Variants in POU6F2 observed in about 807,000 individuals in gnomAD.
POU6F2 encodes POU domain, class 6, transcription factor 2.
POU6F2 carries 31 observed loss-of-function variants against 71.3 expected under a neutral mutation model. The observed-to-expected ratio is 0.43, with a 90% CI of 0.33 to 0.59. The LOEUF is 0.59. POU6F2 is among the 20% of genes least tolerant of loss of function. POU6F2 has a pLI of 0.04. For synonymous variants in POU6F2, 347 were observed against 355.7 expected, an observed-to-expected ratio of 0.98 and a Z score of 0.27; for missense variants, 783 against 856.8, an observed-to-expected ratio of 0.91 and a Z score of 1.07.
intron 2 of POU6F2, among the ~76,000 whole-genome samples, chr7:39,096,365 C>A (rs1054216071): frequency 1.3e-5 from 2 of 152,112 alleles, no homozygotes; most frequent in Non-Finnish European, 2.9e-5. Flanking sequence ...CTTTTTCTAA[C>A]AATGAGCCAC....
rs1267356548 is a variant in POU6F2, at chr7:39,107,742, CCT to C, written c.277+21718_277+21719del. On this transcript the variant is annotated intron_variant, in intron 2 of 9. Transcript: ENST00000518318. Reference sequence around the variant, plus strand: ...GTCCTTATTGCCCTTGGGCCCTTGTCCTCTCTCTTTACCTGAAAGGGACCAGG... The same window carrying C: ...GTCCTTATTGCCCTTGGGCCCTTGTCCTCTCTTTACCTGAAAGGGACCAGG... 1.4e-4 allele frequency among the ~76,000 whole-genome samples: 21 copies of C among 152,218 alleles called. 1 individual carries two copies. Among genetic ancestry groups the C allele is most frequent in the Admixed American group, 9.2e-4 (14 of 15,282 alleles).
intron 4 of POU6F2, among the ~76,000 whole-genome samples, chr7:39,281,754 C>A (rs1290651514): frequency 1.3e-5 from 2 of 152,138 alleles, no homozygotes; most frequent in African/African-American, 4.8e-5. Flanking sequence ...AGTAGTGCTG[C>A]AGTAAACATG....
intron 2 of POU6F2, among the ~76,000 whole-genome samples, chr7:39,172,127 C>A (rs1056741661): frequency 1.3e-5 from 2 of 152,162 alleles, no homozygotes; most frequent in African/African-American, 4.8e-5. Context: ...AAGAGATAGT[C>A]ATTACTAATA....
intron 2 of POU6F2, among the ~76,000 whole-genome samples, chr7:39,100,535 G>T (rs932066162): frequency 1.1e-4 from 17 of 152,028 alleles, no homozygotes; most frequent in Non-Finnish European, 2.4e-4. Flanking sequence ...GAAATCATTG[G>T]CACTTCTAAA....
intron 5 of POU6F2, among the ~76,000 whole-genome samples, chr7:39,348,621 A>G (rs1253083639): frequency 6.6e-6 from 1 of 152,184 alleles, no homozygotes; most frequent in Non-Finnish European, 1.5e-5. Flanking sequence ...GTCTCTATTT[A>G]TATCTTACCA....
chr7:39,248,453 C>A (rs1250989864), intron 4 of POU6F2, among the ~76,000 whole-genome samples: 5 of 152,198 alleles, frequency 3.3e-5, no homozygotes, highest in African/African-American at 1.2e-4. Flanking sequence ...CATCACAGAA[C>A]TCCTGCATGA....
At chr7:39,073,171 A>T (rs975581204) in intron 1 of POU6F2, among the ~76,000 whole-genome samples, 1 of 152,174 alleles carries the variant, frequency 6.6e-6, no homozygotes, top group African/African-American at 2.4e-5. Context: ...ATTCAGAGCC[A>T]TCCCCAATCC....
At chr7:39,385,175 A>G (rs536505296) in intron 5 of POU6F2, among the ~76,000 whole-genome samples, 72 of 152,378 alleles carry the variant, frequency 4.7e-4, no homozygotes, top group African/African-American at 1.6e-3. Context: ...TGCTAATTAA[A>G]TTTAACCCTG....
intron 1 of POU6F2, among the ~76,000 whole-genome samples, chr7:38,982,813 T>G (rs1208890662): frequency 6.6e-6 from 1 of 152,102 alleles, no homozygotes; most frequent in African/African-American, 2.4e-5. Context: ...TATTCTTACC[T>G]CTAACATATG....
At chr7:39,392,638 T>G (rs994109844) in intron 5 of POU6F2, among the ~76,000 whole-genome samples, 10 of 152,228 alleles carry the variant, frequency 6.6e-5, no homozygotes, top group Non-Finnish European at 1.3e-4. Context: ...CTAAAACTGC[T>G]GTGGCTTCTT....
At chr7:39,243,716 AGG>A in intron 4 of POU6F2, among the ~76,000 whole-genome samples, 2 of 151,902 alleles carry the variant, frequency 1.3e-5, no homozygotes, top group Admixed American at 1.3e-4. Flanking sequence ...ACATTTTTAG[AGG>A]TTTTATATTG....
intron 5 of POU6F2, among the ~76,000 whole-genome samples, chr7:39,370,071 A>T (rs1039497349): frequency 2.0e-5 from 3 of 152,206 alleles, no homozygotes; most frequent in African/African-American, 7.2e-5. Context: ...ACCAAAAAAC[A>T]TGTGACTTGC....
At chr7:39,454,272 G>C (rs1788731733) in intron 8 of POU6F2, among the ~76,000 whole-genome samples, 1 of 152,090 alleles carries the variant, frequency 6.6e-6, no homozygotes, top group African/African-American at 2.4e-5. Flanking sequence ...CACCAACTTG[G>C]AAGCTCTCCA....
At chr7:39,181,281 C>T (rs907319029) in intron 2 of POU6F2, among the ~76,000 whole-genome samples, 3 of 152,138 alleles carry the variant, frequency 2.0e-5, no homozygotes, top group Admixed American at 6.5e-5. Flanking sequence ...TCTGATATGC[C>T]GCATCTCTTG....
At chr7:38,998,809 C>T (rs1266436920) in intron 1 of POU6F2, among the ~76,000 whole-genome samples, 3 of 146,434 alleles carry the variant, frequency 2.0e-5, no homozygotes, top group African/African-American at 7.7e-5. Flanking sequence ...GCCACCACAC[C>T]CGGCTAATTT....
intron 2 of POU6F2, among the ~76,000 whole-genome samples, chr7:39,140,124 A>T (rs796888178): frequency 4.6e-5 from 7 of 152,296 alleles, no homozygotes; most frequent in African/African-American, 1.7e-4. Flanking sequence ...ATCAAATGGG[A>T]TGGGAAAGAG....
chr7:39,059,068 G>A (rs1339328578), intron 1 of POU6F2, among the ~76,000 whole-genome samples: 1 of 152,116 alleles, frequency 6.6e-6, no homozygotes, highest in Non-Finnish European at 1.5e-5. Context: ...AAAGGTTCTT[G>A]GAATGCTTTT....
At chr7:39,339,468 G>A (rs1404253639) in intron 4 of POU6F2, among the ~76,000 whole-genome samples, 174 bp from the exon 5 acceptor site, 2 of 152,142 alleles carry the variant, frequency 1.3e-5, no homozygotes, top group African/African-American at 2.4e-5. Context: ...CCCCAGAAGT[G>A]ACCTTTGTTC....
At chr7:39,223,124 G>T (rs1794401836) in intron 4 of POU6F2, among the ~76,000 whole-genome samples, 1 of 152,168 alleles carries the variant, frequency 6.6e-6, no homozygotes, top group South Asian at 2.1e-4. Context: ...TAGCTATCCT[G>T]TTGGGTGTGA....
Sources: allele counts gnomAD v4.1 joint callset (sites outside exome capture counted in the v4.1 genomes callset), GRCh38; gene constraint gnomAD v4.1.1; transcripts MANE v1.5; gene names NCBI Gene and HGNC (gene_info 2026-07-23, HGNC 2026-07-21).